ZC3H12B: variants seen among roughly 807,000 people sequenced by gnomAD.
The protein encoded by ZC3H12B is zinc finger CCCH-type containing 12B.
A neutral mutation model predicts 43.9 loss-of-function variants in ZC3H12B; 7 were observed. The ratio of observed to expected loss-of-function variants is 0.16; its 90% CI spans 0.09 to 0.30. The LOEUF is 0.30. ZC3H12B is among the 10% of genes least tolerant of loss of function. The pLI is 1.00. For synonymous variants in ZC3H12B, 222 were observed against 241.7 expected, an observed-to-expected ratio of 0.92 and a Z score of 0.76; for missense variants, 475 against 670.2, an observed-to-expected ratio of 0.71 and a Z score of 3.22.
the ZC3H12B span, among the ~76,000 whole-genome samples, chrX:65,245,778 C>T: frequency 1.9e-4 from 21 of 111,371 alleles, no homozygotes; most frequent in Non-Finnish European, 3.8e-5. Flanking sequence ...CCCTTGAAAA[C>T]GGGCACAAGA....
At chrX:65,378,230 TG>T (rs1443959849) in intron 2 of ZC3H12B, among the ~76,000 whole-genome samples, 74 of 111,967 alleles carry the variant, frequency 6.6e-4, no homozygotes, top group African/African-American at 2.1e-3. Flanking sequence ...GACTTAAAGA[TG>T]AACCAATCAA....
chrX:65,067,000 C>T, the ZC3H12B span, among the ~76,000 whole-genome samples: 1 of 111,398 alleles, frequency 9.0e-6, no homozygotes, highest in East Asian at 2.8e-4. Flanking sequence ...CAACCAAGCT[C>T]GATTGTTCCA....
At chrX:65,386,230 C>T (rs1397965680) in intron 2 of ZC3H12B, among the ~76,000 whole-genome samples, 2 of 111,594 alleles carry the variant, frequency 1.8e-5, no homozygotes, top group African/African-American at 3.3e-5. Context: ...GGTACCAGCT[C>T]CTCTTTGTAC....
At chrX:65,282,317 C>A in the ZC3H12B span, among the ~76,000 whole-genome samples, 1 of 110,500 alleles carries the variant, frequency 9.0e-6, no homozygotes, top group Non-Finnish European at 1.9e-5. Flanking sequence ...AAAAGAAAAC[C>A]AAAAACAACA....
chrX:65,459,429 C>A (rs2067695957), intron 3 of ZC3H12B, among the ~76,000 whole-genome samples: 1 of 111,473 alleles, frequency 9.0e-6, no homozygotes, highest in Admixed American at 9.5e-5. Flanking sequence ...GACCAATATC[C>A]CTGATGAACA....
the ZC3H12B span, among the ~76,000 whole-genome samples, chrX:65,334,800 T>C: frequency 1.8e-5 from 2 of 111,885 alleles, no homozygotes; most frequent in African/African-American, 6.5e-5. Flanking sequence ...CCCATTTTTA[T>C]ATCAAATCTT....
the ZC3H12B span, among the ~76,000 whole-genome samples, chrX:65,130,220 A>C: frequency 1.3e-4 from 14 of 111,054 alleles, no homozygotes; most frequent in African/African-American, 4.6e-4. Context: ...GAAGACAGTA[A>C]GGGGTATGAA....
chrX:65,127,722 T>C, the ZC3H12B span, among the ~76,000 whole-genome samples: 8 of 110,860 alleles, frequency 7.2e-5, no homozygotes, highest in African/African-American at 2.6e-4. Flanking sequence ...GATGGGGATA[T>C]GGTTCTCAAT....
At chrX:65,080,767 C>G in the ZC3H12B span, among the ~76,000 whole-genome samples, 1 of 111,117 alleles carries the variant, frequency 9.0e-6, no homozygotes, top group Non-Finnish European at 1.9e-5. Flanking sequence ...TGTTAATAAT[C>G]AAGTAATCAC....
upstream of ZC3H12B, among the ~76,000 whole-genome samples, chrX:65,361,920 A>G (rs997927545): frequency 7.1e-5 from 8 of 112,256 alleles, no homozygotes; most frequent in Admixed American, 3.8e-4. Context: ...CCAGCACACA[A>G]TAACTTCCAA....
At chrX:65,163,536 C>G in the ZC3H12B span, among the ~76,000 whole-genome samples, 3 of 111,460 alleles carry the variant, frequency 2.7e-5, no homozygotes, top group African/African-American at 6.5e-5. Context: ...GCTGTGCTTG[C>G]AATCAGTGAG....
chrX:65,132,699 T>C, the ZC3H12B span, among the ~76,000 whole-genome samples: 1 of 110,908 alleles, frequency 9.0e-6, no homozygotes, highest in Non-Finnish European at 1.9e-5. Context: ...GCATCAGAGT[T>C]GGGGAGGTTT....
At chrX:65,406,601 G>A (rs990907614) in intron 3 of ZC3H12B, among the ~76,000 whole-genome samples, 5 of 94,745 alleles carry the variant, frequency 5.3e-5, no homozygotes, top group Admixed American at 4.5e-4. Flanking sequence ...GCTGGGCGGG[G>A]CTGGGCGGGG....
At chrX:65,076,394 C>T in the ZC3H12B span, among the ~76,000 whole-genome samples, 1 of 111,277 alleles carries the variant, frequency 9.0e-6, no homozygotes, top group East Asian at 2.8e-4. Context: ...CCACCTCAAT[C>T]TTCCAAAGCA....
chrX:65,262,428 A>G, the ZC3H12B span, among the ~76,000 whole-genome samples: 1 of 111,041 alleles, frequency 9.0e-6, no homozygotes. Context: ...TTATGATTTC[A>G]ATGGTTCTCT....
At chrX:65,139,243 A>T in the ZC3H12B span, among the ~76,000 whole-genome samples, 2 of 112,088 alleles carry the variant, frequency 1.8e-5, no homozygotes, top group Admixed American at 9.4e-5. Flanking sequence ...TAAATCTTTA[A>T]TCCATTCGAG....
Position 65,440,176 on chromosome X carries a change from G to A in ZC3H12B, n.407+41472G>A, listed in dbSNP as rs147316420. On this transcript the variant is annotated intron_variant and non_coding_transcript_variant, in intron 3 of 5. Coordinates refer to the ZC3H12B transcript ENST00000617377. ...AAGCCTCCAGTTTTTCTTGTCTCTA[G>A]CATTAGATATTGCATTAGCAACTAG... is the stretch of plus-strand genomic sequence containing the variant. Among the ~76,000 whole-genome samples the A allele has an allele frequency of 6.8e-3, 753 of 111,104 alleles. 10 individuals are homozygous for A. The highest frequency in any genetic ancestry group is 0.023 in the African/African-American group (708 of 30,539).
At chrX:65,223,472 G>A in the ZC3H12B span, among the ~76,000 whole-genome samples, 1 of 112,358 alleles carries the variant, frequency 8.9e-6, no homozygotes, top group Non-Finnish European at 1.9e-5. Context: ...ATAAATAGAT[G>A]GGACTTAATT....
At chrX:65,388,917 T>C (rs1296989319) in intron 2 of ZC3H12B, among the ~76,000 whole-genome samples, 1 of 111,886 alleles carries the variant, frequency 8.9e-6, no homozygotes, top group Non-Finnish European at 1.9e-5. Flanking sequence ...AGATCCTGTT[T>C]CCTGGGTATC....
Sources: allele counts gnomAD v4.1 joint callset (sites outside exome capture counted in the v4.1 genomes callset), GRCh38; gene constraint gnomAD v4.1.1; transcripts MANE v1.5; gene names NCBI Gene and HGNC (gene_info 2026-07-23, HGNC 2026-07-21).